Variants in ZNF746 observed in about 807,000 individuals in gnomAD.
The protein encoded by ZNF746 is zinc finger protein 746.
ZNF746 carries 13 observed loss-of-function variants against 41.0 expected under a neutral mutation model. The ratio of observed to expected loss-of-function variants is 0.32; its 90% CI spans 0.21 to 0.50. ZNF746 has a LOEUF of 0.50. ZNF746 is among the 20% of genes least tolerant of loss of function. The probability of loss-of-function intolerance (pLI) is 0.98; values close to 1 mark genes in which losing one functional copy is unlikely to be tolerated. For synonymous variants in ZNF746, 424 were observed against 396.2 expected (o/e 1.07, Z -0.83); for missense variants, 811 against 922.9 (o/e 0.88, Z 1.57).
rs959319908 is a variant in ZNF746, at chr7:149,474,145, T to C, written c.*239A>G. ...AACAAAAAACAAAAAACAAAACAGG[T>C]TTGCAATTAAATTACTTAAAATTCT... On this transcript the variant is annotated 3_prime_UTR_variant, in exon 7 of 7. Coordinates refer to ENST00000458143, the MANE Select transcript of ZNF746 (RefSeq NM_001394198.1). The surrounding 1 kb of genome is among the most constrained non-coding windows in gnomAD (Gnocchi z 6.3). 1.9e-6 allele frequency: 1 copy of C among 540,278 alleles called. No homozygotes were observed. Among genetic ancestry groups the C allele is most frequent in the Non-Finnish European group, 3.2e-6 (1 of 307,992 alleles). 33.5% of individuals were successfully genotyped at this position (540,278 alleles called of 1,614,324 possible).
At chr7:149,495,942 C>G (rs1414593450) in intron 1 of ZNF746, among the ~76,000 whole-genome samples, 2 of 151,624 alleles carry the variant, frequency 1.3e-5, no homozygotes, top group African/African-American at 2.4e-5. Flanking sequence ...GTAGGTGGTC[C>G]TACAGCACCT....
Position 149,497,275 on chromosome 7 carries a change from G to A in ZNF746, c.24+238C>T, listed in dbSNP as rs1801037531. ...GGAGGGCCCAAAGAACTTGGCGTGG[G>A]GCGGCCCGGGGCGGGGACAACCGTT... On this transcript the variant is annotated intron_variant, in intron 1 of 6. Transcript: ENST00000458143. The surrounding 1 kb of genome is among the most constrained non-coding windows in gnomAD (Gnocchi z 4.2). 1 of 985,226 alleles carries A rather than the reference G, an allele frequency of 1.0e-6. No homozygotes were observed. Among genetic ancestry groups the A allele is most frequent in the Non-Finnish European group, 1.2e-6 (1 of 829,812 alleles). The allele number at this position is 985,226 out of a possible 1,614,324, so 61.0% of individuals were successfully genotyped here.
Position 149,477,543 on chromosome 7 carries a change from G to A in ZNF746, c.757+21C>T, listed in dbSNP as rs753045707. On this transcript the variant is annotated intron_variant, in intron 5 of 6. Coordinates refer to ENST00000458143, the MANE Select transcript of ZNF746 (RefSeq NM_001394198.1). ...GTGATCCCTGCAACTTGTTCCTTATGTCCCCGTCTCAGCCACTTACCAGAG... is the reference window on the plus strand; with the variant it reads ...GTGATCCCTGCAACTTGTTCCTTATATCCCCGTCTCAGCCACTTACCAGAG... 2.5e-6 allele frequency: 4 copies of A among 1,581,144 alleles called. No homozygotes were observed. In the South Asian group the frequency reaches 4.6e-5, roughly 18 times the overall value.
chr7:149,477,575 T>G lies in ZNF746; in HGVS notation c.746A>C (p.Asp249Ala). 6.2e-7 allele frequency: 1 copy of G among 1,607,598 alleles called. No individual in the cohort carries two copies. Among genetic ancestry groups the G allele is most frequent in the South Asian group, 1.1e-5 (1 of 90,614 alleles). The change falls in exon 5 of 7, where the codon GAT becomes GCT. Residue 249 changes from aspartate to alanine, a missense_variant. This residue lies in a region of ZNF746 where 495 missense variants were observed against 481.6 expected (regional missense o/e 1.03). Transcript: ENST00000458143. ...TCTCAGCCACTTACCAGAGGTGGCA[T>G]CCGTGGAGATGTCTCCTGCTCCGGA... ...LDSGAGDIST[D>A]ATSGVHSNFS...
At chr7:149,493,403 G>A (rs372077747) in intron 3 of ZNF746, among the ~76,000 whole-genome samples, 3 of 152,154 alleles carry the variant, frequency 2.0e-5, no homozygotes, top group South Asian at 2.1e-4. Context: ...CACTGCCCTC[G>A]GCTCCGGGGT....
chr7:149,479,725 A>C (rs1343628467), intron 4 of ZNF746, among the ~76,000 whole-genome samples: 1 of 152,154 alleles, frequency 6.6e-6, no homozygotes, highest in Non-Finnish European at 1.5e-5. Flanking sequence ...AATTCCTCCC[A>C]ATGTGGAATA....
At chr7:149,491,104 G>A (rs1800791167) in intron 4 of ZNF746, 1 of 152,986 alleles carries the variant, frequency 6.5e-6, no homozygotes, top group African/African-American at 2.4e-5. Flanking sequence ...CAAGGGGATG[G>A]GTCAGGCCAA....
chr7:149,497,455 G>GGCCGGGCCGCCTGGGGCC lies in ZNF746; in HGVS notation c.24+40_24+57dup. ...CAGGGCCTGCGGCGCCGTGTGCCGG[G>GGCCGGGCCGCCTGGGGCC]GCCGGGCCGCCTGGGGCCCCCAGGC... On this transcript the variant is annotated intron_variant, in intron 1 of 6. Coordinates refer to ENST00000458143, the MANE Select transcript of ZNF746 (RefSeq NM_001394198.1). This position sits in a 1 kb window ranked among gnomAD's most constrained non-coding sequence, Gnocchi z 4.2. 9.3e-7 allele frequency: 1 copy of GGCCGGGCCGCCTGGGGCC among 1,072,886 alleles called. No homozygotes were observed. The highest frequency in any genetic ancestry group is 7.0e-5 in the East Asian group (1 of 14,320). 66.5% of individuals were successfully genotyped at this position (1,072,886 alleles called of 1,614,324 possible).
chr7:149,483,128 C>T (rs56402950), intron 4 of ZNF746, among the ~76,000 whole-genome samples: 32,684 of 152,106 alleles, frequency 0.21, 3,818 homozygotes, highest in Middle Eastern at 0.34. Flanking sequence ...AAATCAATAA[C>T]TCCCATACAT....
chr7:149,475,764 A>T (rs1411135817), intron 6 of ZNF746, among the ~76,000 whole-genome samples: 1 of 152,186 alleles, frequency 6.6e-6, no homozygotes, highest in Non-Finnish European at 1.5e-5. Context: ...GCATGAATTG[A>T]TCCTCAGAAA....
intron 4 of ZNF746, among the ~76,000 whole-genome samples, chr7:149,480,601 A>C (rs1800457474): frequency 6.6e-6 from 1 of 151,932 alleles, no homozygotes; most frequent in African/African-American, 2.4e-5. Flanking sequence ...GGCCCAGCTA[A>C]TTTTTATGTA....
At position 149,478,404 on chromosome 7, in the gene ZNF746, C is replaced by T. The variant is rs984494519; in HGVS notation, c.566-649G>A. Among the ~76,000 whole-genome samples the T allele has an allele frequency of 3.3e-5, 5 of 152,210 alleles. No individual in the cohort carries two copies. The South Asian group carries it at 8.3e-4, about 25-fold the overall frequency. The stretch of plus-strand genomic sequence containing the variant: ...AGCCACCAGGAAGCAGCCTACTTGT[C>T]CAGGGCTATGTGTGGGAAAGAAACC... On this transcript the variant is annotated intron_variant, in intron 4 of 6. Coordinates refer to ENST00000458143, the MANE Select transcript of ZNF746 (RefSeq NM_001394198.1).
At chr7:149,480,418 T>A (rs1800450335) in intron 4 of ZNF746, among the ~76,000 whole-genome samples, 1 of 147,102 alleles carries the variant, frequency 6.8e-6, no homozygotes, top group Non-Finnish European at 1.5e-5. Flanking sequence ...AAAAAATAAC[T>A]GTTGTTTTGT....
In ZNF746 at chr7:149,497,586, C is replaced by T; in HGVS notation, c.-50G>A. 7 of 1,040,484 alleles carry T rather than the reference C, an allele frequency of 6.7e-6. No individual in the cohort carries two copies. The highest frequency in any genetic ancestry group is 8.1e-6 in the Non-Finnish European group (7 of 869,328). 64.5% of individuals were successfully genotyped at this position (1,040,484 alleles called of 1,614,324 possible). ...CGGAGGAAGTCGTCGTCGCCGCCGC[C>T]GCGCGCGGCACCACGCAGGCCCGGC... is the stretch of plus-strand genomic sequence containing the variant. On this transcript the variant is annotated 5_prime_UTR_variant, in exon 1 of 7. Coordinates refer to ENST00000458143, the MANE Select transcript of ZNF746 (RefSeq NM_001394198.1). This position sits in a 1 kb window ranked among gnomAD's most constrained non-coding sequence, Gnocchi z 4.2.
intron 4 of ZNF746, among the ~76,000 whole-genome samples, chr7:149,480,195 C>T (rs374912580): frequency 2.0e-5 from 3 of 152,266 alleles, no homozygotes; most frequent in East Asian, 1.9e-4. Flanking sequence ...TACACATCAC[C>T]ATCTCGAGAA....
rs1012033080 is a variant in ZNF746, at chr7:149,477,326, G to A, written c.757+238C>T. Among the ~76,000 whole-genome samples the A allele has an allele frequency of 5.9e-5, 9 of 152,302 alleles. No homozygotes were observed. The East Asian group carries it at 1.7e-3, about 29-fold the overall frequency. ...GCTGGGGCAAGAGAAGCGGCCTCAC[G>A]GTGATATAGGGGCCACTGGAACAGG... On this transcript the variant is annotated intron_variant, in intron 5 of 6. Coordinates refer to ENST00000458143, the MANE Select transcript of ZNF746 (RefSeq NM_001394198.1).
rs749384217 is a variant in ZNF746 at position 149,492,893 on chromosome 7, G to A, written c.531C>T (p.Pro177=). Residue 177 remains proline (P), a synonymous_variant, in exon 4 of 7, where the codon CCC becomes CCT. Coordinates refer to ENST00000458143, the MANE Select transcript of ZNF746 (RefSeq NM_001394198.1). ...GGTCCACAGGAACATCTGGAATCTT[G>A]GGGCCAGGGCGGCGCCAGTTGCAGG... ...KEPCNWRRPG[P]KIPDVPVDPS... is the part of the protein sequence containing the mutation. 7.4e-6 allele frequency: 12 copies of A among 1,614,038 alleles called. No individual in the cohort carries two copies. The South Asian group carries it at 1.1e-4, about 15-fold the overall frequency.
rs1309060982 is a variant in ZNF746, at chr7:149,474,843, A to ACTGCCG, written c.1518_1523dup (p.Ser508_Gly509dup). 24 of 1,417,042 alleles carry ACTGCCG rather than the reference A, an allele frequency of 1.7e-5. No individual in the cohort carries two copies. The highest frequency in any genetic ancestry group is 5.9e-5 in the East Asian group (2 of 33,964). 87.8% of individuals were successfully genotyped at this position (1,417,042 alleles called of 1,614,324 possible). ...CACCGCTGCCGCCACCGCCGCCGCC[A>ACTGCCG]CTGCCGCTGCCGCCACCGCCTGTGC... On this transcript the variant is annotated inframe_insertion, in exon 7 of 7. Transcript: ENST00000458143. This position sits in a 1 kb window ranked among gnomAD's most constrained non-coding sequence, Gnocchi z 6.3.
chr7:149,486,029 ACT>A lies in ZNF746; in HGVS notation c.565+6828_565+6829del, dbSNP rs553409609. Among the ~76,000 whole-genome samples the A allele has an allele frequency of 5.3e-5, 8 of 152,330 alleles. No homozygotes were observed. The South Asian group carries it at 1.7e-3, about 32-fold the overall frequency. On this transcript the variant is annotated intron_variant, in intron 4 of 6. Transcript: ENST00000458143. Reference sequence around the variant, plus strand: ...ACTCTAGCCTGAGCAACAGAGCAAGACTCTGTCAACAAAAAACAACTTAAAAA... The same window carrying A: ...ACTCTAGCCTGAGCAACAGAGCAAGACTGTCAACAAAAAACAACTTAAAAA...
Sources: gnomAD v4.1 joint callset for allele counts (sites outside exome capture counted in the v4.1 genomes callset) on GRCh38, gnomAD v4.1.1 for gene constraint, gnomAD v4.1.1 regional missense constraint, Gnocchi (gnomAD v3.1) non-coding constraint, MANE v1.5 for transcripts, NCBI Gene and HGNC (gene_info 2026-07-23, HGNC 2026-07-21) for gene names.